MARK4: variants seen among roughly 807,000 people sequenced by gnomAD.
The protein encoded by MARK4 is microtubule affinity regulating kinase 4.
MARK4 carries 19 observed loss-of-function variants against 81.5 expected under a neutral mutation model. The observed-to-expected ratio is 0.23, with a 90% confidence interval of 0.16 to 0.34. MARK4 has a LOEUF of 0.34. Ranked by LOEUF, MARK4 falls within the 10% of genes least tolerant of loss-of-function variation. The probability of loss-of-function intolerance (pLI) is 1.00; values close to 1 mark genes in which losing one functional copy is unlikely to be tolerated. For synonymous variants in MARK4, 436 were observed against 439.0 expected, an observed-to-expected ratio of 0.99 and a Z score of 0.08; for missense variants, 772 against 1,058.8, an observed-to-expected ratio of 0.73 and a Z score of 3.76.
rs1339972257 is a variant in MARK4, at chr19:45,305,105, G to C, written c.*2395G>C. On this transcript the variant is annotated 3_prime_UTR_variant, in exon 17 of 17. Coordinates refer to ENST00000262891, the MANE Select transcript of MARK4 (RefSeq NM_001199867.2). ...GAGGTCGGGGCTGGACAGATGGGGAGAGCGCAGATAGATTTAAGAGAGTCC... is the reference window on the plus strand; with the variant it reads ...GAGGTCGGGGCTGGACAGATGGGGACAGCGCAGATAGATTTAAGAGAGTCC... 6.6e-6 allele frequency: 1 copy of C among 152,452 alleles called. No individual in the cohort carries two copies. Among genetic ancestry groups the C allele is most frequent in the African/African-American group, 2.4e-5 (1 of 41,456 alleles). The allele number at this position is 152,452 out of a possible 1,614,324, so 9.4% of individuals were successfully genotyped here. A position where few individuals can be genotyped will look rare whatever the true frequency, so the allele number is the denominator to read the frequency against.
chr19:45,299,814 C>T lies in MARK4; in HGVS notation c.1881C>T (p.Val627=). ...CTGTCCCCCTCCCCTCCCCTAGGGTCGCAGACGAACCTGAGAGAATCGGGG... is the reference window on the plus strand; with the variant it reads ...CTGTCCCCCTCCCCTCCCCTAGGGTTGCAGACGAACCTGAGAGAATCGGGG... ...TKLTSKLTRR[V]ADEPERIGGP... Residue 627 remains valine (V), a synonymous_variant, in exon 16 of 17, where the codon GTC becomes GTT. Transcript: ENST00000262891. 3 of 1,604,150 alleles carry T rather than the reference C, an allele frequency of 1.9e-6. No homozygotes were observed. Among genetic ancestry groups the T allele is most frequent in the Non-Finnish European group, 2.6e-6 (3 of 1,173,384 alleles).
In MARK4 at chr19:45,294,429, G is replaced by C. The variant is rs748630333; in HGVS notation, c.1575G>C (p.Leu525=). 40 of 1,613,982 alleles carry C rather than the reference G, an allele frequency of 2.5e-5. No homozygotes were observed. Among genetic ancestry groups the C allele is most frequent in the Non-Finnish European group, 3.4e-5 (40 of 1,180,020 alleles). Residue 525 remains leucine (L), a synonymous_variant, in exon 14 of 17, where the codon CTG becomes CTC. Transcript: ENST00000262891. ...TERPGAERPS[L]LPNGKENSSG... ...GCCCGGGGGCTGAGCGCCCGTCACT[G>C]TTGCCAAATGGGAAAGAAAACAGGT...
chr19:45,253,192 C>CCA (rs1555761168), intron 1 of MARK4, among the ~76,000 whole-genome samples: 3,342 of 148,210 alleles, frequency 0.023, 71 homozygotes, highest in African/African-American at 0.048. Flanking sequence ...GACCCCCCCA[C>CCA]ACACACACAC....
chr19:45,252,715 A>G (rs1391611290), intron 1 of MARK4, among the ~76,000 whole-genome samples: 1 of 152,070 alleles, frequency 6.6e-6, no homozygotes, highest in Non-Finnish European at 1.5e-5. Flanking sequence ...CCTGGTTTCA[A>G]GCCCTTTTCC....
At chr19:45,266,425 C>T (rs1970454633) in intron 7 of MARK4, 144 bp downstream of exon 7, 2 of 740,914 alleles carry the variant, frequency 2.7e-6, no homozygotes, top group African/African-American at 3.5e-5. Flanking sequence ...ACACCCAGCA[C>T]CCCCTTGACC....
intron 12 of MARK4, among the ~76,000 whole-genome samples, chr19:45,285,255 G>A (rs1480611649): frequency 9.3e-5 from 12 of 129,618 alleles, no homozygotes; most frequent in Non-Finnish European, 1.5e-4. Flanking sequence ...CCAGACTGCC[G>A]TGTCTCAAAA....
At chr19:45,301,065 C>T (rs912378019) in intron 16 of MARK4, among the ~76,000 whole-genome samples, 1 of 152,150 alleles carries the variant, frequency 6.6e-6, no homozygotes, top group Non-Finnish European at 1.5e-5. Flanking sequence ...CCTGACCTAC[C>T]CCATCCCCAA....
intron 12 of MARK4, among the ~76,000 whole-genome samples, chr19:45,285,083 C>T (rs557979608): frequency 2.6e-5 from 4 of 151,480 alleles, no homozygotes; most frequent in Admixed American, 2.0e-4. Context: ...AACAGCAAGA[C>T]TCTGTCTCAA....
intron 13 of MARK4, among the ~76,000 whole-genome samples, chr19:45,288,849 C>A (rs867974261): frequency 7.9e-3 from 815 of 102,678 alleles, no homozygotes; most frequent in Middle Eastern, 0.01. Context: ...GACTCTGTCT[C>A]AAAAAAAAAA....
At chr19:45,289,505 T>G (rs1339739994) in intron 13 of MARK4, among the ~76,000 whole-genome samples, 2 of 151,664 alleles carry the variant, frequency 1.3e-5, no homozygotes, top group East Asian at 3.9e-4. Context: ...GCACGGTGGC[T>G]CATGCCTATA....
chr19:45,287,152 G>A (rs1485312141), intron 12 of MARK4, among the ~76,000 whole-genome samples: 1 of 149,734 alleles, frequency 6.7e-6, no homozygotes, highest in Non-Finnish European at 1.5e-5. Flanking sequence ...TGCAGTGAGC[G>A]GAGATCGCAC....
At position 45,251,580 on chromosome 19, in the gene MARK4, C is replaced by T; in HGVS notation, c.-9C>T. 1 of 1,381,794 alleles carries T rather than the reference C, an allele frequency of 7.2e-7. No homozygotes were observed. The highest frequency in any genetic ancestry group is 9.4e-7 in the Non-Finnish European group (1 of 1,063,372). The allele number at this position is 1,381,794 out of a possible 1,614,324, so 85.6% of individuals were successfully genotyped here. On this transcript the variant is annotated 5_prime_UTR_variant, in exon 1 of 17. Transcript: ENST00000262891. ...CCCGGCCGCCCCTGCCCCCCGGGAC[C>T]CGGAGAAGATGTCTTCGCGGACGGT...
chr19:45,281,835 A>G (rs186889097), intron 12 of MARK4, among the ~76,000 whole-genome samples: 1 of 152,312 alleles, frequency 6.6e-6, no homozygotes, highest in East Asian at 1.9e-4. Flanking sequence ...ACACTGAAGT[A>G]AAGGAGGCTC....
At chr19:45,287,202 C>CA (rs139216602) in intron 12 of MARK4, among the ~76,000 whole-genome samples, 13,511 of 65,234 alleles carry the variant, frequency 0.21, 881 homozygotes, top group Middle Eastern at 0.31. Flanking sequence ...GACTTTGTCT[C>CA]AAAAAAAAAA....
At chr19:45,274,139 C>G (rs1451182407) in intron 8 of MARK4, among the ~76,000 whole-genome samples, 1 of 152,170 alleles carries the variant, frequency 6.6e-6, no homozygotes, top group African/African-American at 2.4e-5. Flanking sequence ...GTCCCAGCCA[C>G]TCGGGTGGCT....
chr19:45,264,626 G>A (rs1970426252), intron 4 of MARK4, 58 bp from the exon 5 acceptor site: 1 of 1,526,772 alleles, frequency 6.5e-7, no homozygotes, highest in African/African-American at 1.4e-5. Context: ...AGTTACTGAG[G>A]ACAGGTTAGG....
At chr19:45,294,175 G>A (rs1028164238) in intron 13 of MARK4, among the ~76,000 whole-genome samples, 174 bp from the exon 14 acceptor site, 2 of 152,004 alleles carry the variant, frequency 1.3e-5, no homozygotes, top group African/African-American at 4.8e-5. Flanking sequence ...CGGTGGCTGG[G>A]ATTACTCATG....
chr19:45,305,080 G>C lies in MARK4; in HGVS notation c.*2370G>C, dbSNP rs1308754265. ...GTTGACAGGTCAGAAGATCAGGAAA[G>C]AGGTCGGGGCTGGACAGATGGGGAG... is the stretch of plus-strand genomic sequence containing the variant. On this transcript the variant is annotated 3_prime_UTR_variant, in exon 17 of 17. Transcript: ENST00000262891. 2 of 152,524 alleles carry C rather than the reference G, an allele frequency of 1.3e-5. No individual in the cohort carries two copies. The allele number at this position is 152,524 out of a possible 1,614,324, so 9.4% of individuals were successfully genotyped here.
At chr19:45,261,428 A>G (rs1433595531) in intron 2 of MARK4, among the ~76,000 whole-genome samples, 7 of 152,204 alleles carry the variant, frequency 4.6e-5, no homozygotes, top group Admixed American at 3.9e-4. Flanking sequence ...ACTTCACCAC[A>G]TTCTCAGATT....
Sources: allele counts gnomAD v4.1 joint callset (sites outside exome capture counted in the v4.1 genomes callset), GRCh38; gene constraint gnomAD v4.1.1; transcripts MANE v1.5; gene names NCBI Gene and HGNC (gene_info 2026-07-23, HGNC 2026-07-21).